The following RASEF variants were observed in gnomAD, a reference collection of about 807,000 sequenced individuals.
RASEF encodes ras and EF-hand domain-containing protein.
RASEF carries 68 observed loss-of-function variants against 90.1 expected under a neutral mutation model. That is an observed-to-expected ratio of 0.75 (90% CI 0.62 to 0.92). The LOEUF is 0.92. Among genes scored for constraint, RASEF ranks in the 40% least tolerant of loss-of-function variants. The pLI, the probability that RASEF is intolerant of heterozygous loss-of-function variation, is 0.00. For synonymous variants in RASEF, 331 were observed against 345.2 expected (o/e 0.96, Z 0.46); for missense variants, 949 against 937.2 (o/e 1.01, Z -0.16).
At chr9:83,113,316 T>C in the RASEF span, among the ~76,000 whole-genome samples, 2 of 152,270 alleles carry the variant, frequency 1.3e-5, no homozygotes, top group African/African-American at 4.8e-5. Flanking sequence ...CTTTAATCTC[T>C]TAATCACGTT....
the RASEF span, among the ~76,000 whole-genome samples, chr9:83,093,336 G>A: frequency 6.6e-5 from 10 of 152,306 alleles, no homozygotes; most frequent in South Asian, 6.2e-4. Context: ...ACTGGGCCCC[G>A]CGGAGCAGGG....
intron 1 of RASEF, among the ~76,000 whole-genome samples, chr9:83,032,650 A>G (rs1370808471): frequency 6.6e-6 from 1 of 152,228 alleles, no homozygotes; most frequent in Non-Finnish European, 1.5e-5. Flanking sequence ...TGTATGAACG[A>G]CAGTAGCAAT....
chr9:83,135,498 A>T, the RASEF span, among the ~76,000 whole-genome samples: 31 of 152,192 alleles, frequency 2.0e-4, no homozygotes, highest in African/African-American at 7.5e-4. Flanking sequence ...TATAATTTAA[A>T]AAATAAATAA....
intron 1 of RASEF, among the ~76,000 whole-genome samples, chr9:83,035,979 C>T (rs892193258): frequency 6.6e-6 from 1 of 152,194 alleles, no homozygotes; most frequent in African/African-American, 2.4e-5. Context: ...TACATTTAAG[C>T]TTATTAACAG....
chr9:83,048,258 G>A (rs1212083070), intron 1 of RASEF: 5 of 985,314 alleles, frequency 5.1e-6, no homozygotes, highest in Non-Finnish European at 6.0e-6. Context: ...AGAAAGTTTT[G>A]GCACAATTCA....
chr9:83,003,048 T>C (rs564860454), intron 9 of RASEF, among the ~76,000 whole-genome samples: 1 of 152,152 alleles, frequency 6.6e-6, no homozygotes, highest in African/African-American at 2.4e-5. Context: ...TTTGTTAGAG[T>C]TCTTGCGAAG....
At chr9:83,170,146 G>A in the RASEF span, among the ~76,000 whole-genome samples, 1 of 151,972 alleles carries the variant, frequency 6.6e-6, no homozygotes, top group Non-Finnish European at 1.5e-5. Context: ...TTCTGAACAT[G>A]GCTATCAGTT....
In RASEF at chr9:82,998,416, A is replaced by G; in HGVS notation, c.1754T>C (p.Val585Ala). ...CTGCAGAACTGTTCGTTCTCCATCC[A>G]CAATGAGGGTTTTCATTTGGAAATC... ...GVDFQMKTLI[V>A]DGERTVLQLW... The change falls in exon 13 of 17, where the codon GTG becomes GCG. Residue 585 changes from valine to alanine, a missense_variant. Physicochemically the swap from Val to Ala is moderately conservative, Grantham distance 64. Around this residue, in one of 3 missense-constraint regions of RASEF, gnomAD observed 288 missense variants for 328.4 expected, o/e 0.88. Coordinates refer to ENST00000376447, the MANE Select transcript of RASEF (RefSeq NM_152573.4). 1.2e-6 allele frequency: 2 copies of G among 1,612,996 alleles called. No individual in the cohort carries two copies. The highest frequency in any genetic ancestry group is 1.7e-6 in the Non-Finnish European group (2 of 1,178,942).
chr9:83,163,255 C>A, the RASEF span, among the ~76,000 whole-genome samples: 1 of 152,306 alleles, frequency 6.6e-6, no homozygotes, highest in African/African-American at 2.4e-5. Flanking sequence ...TCCCCCAACA[C>A]ACATACACCT....
intron 16 of RASEF, among the ~76,000 whole-genome samples, chr9:82,988,654 T>C (rs892782643): frequency 1.3e-5 from 2 of 151,946 alleles, no homozygotes; most frequent in African/African-American, 4.8e-5. Context: ...TCTGGTTGTT[T>C]AAAAGAGAGT....
At chr9:83,087,405 T>TTCTC in the RASEF span, among the ~76,000 whole-genome samples, 4,933 of 115,544 alleles carry the variant, frequency 0.043, 200 homozygotes, top group Middle Eastern at 0.05. Flanking sequence ...TTCTCATTCA[T>TTCTC]TCTCTCTCTC....
the RASEF span, among the ~76,000 whole-genome samples, chr9:83,216,236 C>T: frequency 6.6e-6 from 1 of 152,196 alleles, no homozygotes; most frequent in African/African-American, 2.4e-5. Context: ...AAATGTTAAT[C>T]ACCAAGACAA....
chr9:83,164,347 G>GTGTGTATATGTATATA, the RASEF span, among the ~76,000 whole-genome samples: 1 of 129,988 alleles, frequency 7.7e-6, no homozygotes, highest in African/African-American at 2.8e-5. Flanking sequence ...GTATATGTGT[G>GTGTGTATATGTATATA]TATATATATA....
At chr9:83,075,798 GA>G in the RASEF span, among the ~76,000 whole-genome samples, 281 of 147,084 alleles carry the variant, frequency 1.9e-3, 3 homozygotes, top group East Asian at 9.8e-4. Flanking sequence ...TCTATATTTA[GA>G]AAAAAAAAAG....
rs534132371 is a variant in RASEF, at chr9:83,011,131, G to A, written c.843+1303C>T. On this transcript the variant is annotated intron_variant, in intron 5 of 16. Transcript: ENST00000376447. The stretch of plus-strand genomic sequence containing the variant: ...AAGTTTCTTGAGGATGTGCTATGCC[G>A]AAATGAGGATGAAACCCTCTCCTCC... 1.7e-4 allele frequency among the ~76,000 whole-genome samples: 26 copies of A among 152,158 alleles called. No individual in the cohort carries two copies. In the East Asian group the frequency reaches 4.6e-3, roughly 27 times the overall value.
chr9:83,063,679 T>C (rs1830256283), upstream of RASEF, among the ~76,000 whole-genome samples: 1 of 152,224 alleles, frequency 6.6e-6, no homozygotes, highest in Non-Finnish European at 1.5e-5. Flanking sequence ...AGAAAAAATT[T>C]GATAAACAAA....
chr9:83,074,245 G>A, the RASEF span, among the ~76,000 whole-genome samples: 16 of 152,162 alleles, frequency 1.1e-4, no homozygotes, highest in Non-Finnish European at 1.3e-4. Flanking sequence ...CAGATTATCT[G>A]GAGTGGATAC....
At chr9:83,058,252 G>A (rs1252244591) in intron 1 of RASEF, among the ~76,000 whole-genome samples, 2 of 126,118 alleles carry the variant, frequency 1.6e-5, no homozygotes, top group East Asian at 2.4e-4. Flanking sequence ...GCGCGATCTC[G>A]GCTCACTGCA....
At chr9:83,215,578 T>C in the RASEF span, among the ~76,000 whole-genome samples, 2 of 152,320 alleles carry the variant, frequency 1.3e-5, no homozygotes, top group South Asian at 4.1e-4. Context: ...ATTTCAAAAC[T>C]GTGAGTCCAT....
Sources: allele counts gnomAD v4.1 joint callset (sites outside exome capture counted in the v4.1 genomes callset), GRCh38; gene constraint gnomAD v4.1.1; regional missense constraint gnomAD v4.1.1; transcripts MANE v1.5; gene names NCBI Gene and HGNC (gene_info 2026-07-23, HGNC 2026-07-21).